The following PXDNL variants were observed in gnomAD, a reference collection of about 807,000 sequenced individuals.
PXDNL encodes probable oxidoreductase PXDNL.
PXDNL carries 145 observed loss-of-function variants against 150.8 expected under a neutral mutation model. The observed-to-expected ratio is 0.96, with a 90% CI of 0.84 to 1.10. The LOEUF (loss-of-function observed/expected upper bound fraction) is 1.10. Ranked by LOEUF, PXDNL falls within the 50% of genes least tolerant of loss-of-function variation. The pLI is 0.00. For missense variants in PXDNL, 2,087 were observed against 1,873.9 expected, an observed-to-expected ratio of 1.11 and a Z score of -2.10; for synonymous variants, 757 against 725.7, an observed-to-expected ratio of 1.04 and a Z score of -0.69.
At chr8:51,436,909 A>C (rs1809420401) in intron 12 of PXDNL, among the ~76,000 whole-genome samples, 1 of 152,208 alleles carries the variant, frequency 6.6e-6, no homozygotes, top group Admixed American at 6.5e-5. Flanking sequence ...GATAAATGAA[A>C]AAAAAGCTGG....
intron 6 of PXDNL, among the ~76,000 whole-genome samples, chr8:51,480,912 G>T (rs1279386104): frequency 2.6e-5 from 4 of 152,138 alleles, no homozygotes; most frequent in Admixed American, 2.0e-4. Flanking sequence ...AAATTACCCA[G>T]TCTCATGTAT....
At chr8:51,601,047 A>T (rs1813710671) in intron 2 of PXDNL, among the ~76,000 whole-genome samples, 3 of 147,168 alleles carry the variant, frequency 2.0e-5, no homozygotes, top group South Asian at 2.1e-4. Flanking sequence ...ATATCTTATA[A>T]ATATATTATA....
At chr8:51,534,408 C>T (rs1339642275) in intron 4 of PXDNL, among the ~76,000 whole-genome samples, 5 of 139,552 alleles carry the variant, frequency 3.6e-5, no homozygotes, top group East Asian at 2.3e-4. Context: ...TGAGGGGCGC[C>T]TCTGCCCGGC....
At chr8:51,321,740 G>A (rs1805320745) in intron 21 of PXDNL, among the ~76,000 whole-genome samples, 1 of 152,130 alleles carries the variant, frequency 6.6e-6, no homozygotes, top group African/African-American at 2.4e-5. Context: ...CTATGGAACT[G>A]TAAGTCAACT....
At chr8:51,693,831 A>T (rs1816054728) in intron 1 of PXDNL, among the ~76,000 whole-genome samples, 4 of 152,232 alleles carry the variant, frequency 2.6e-5, no homozygotes, top group Admixed American at 2.6e-4. Flanking sequence ...TCTTTGATTC[A>T]GGCTTTTAAT....
chr8:51,773,250 C>G (rs1483522103), intron 1 of PXDNL, among the ~76,000 whole-genome samples: 2 of 152,196 alleles, frequency 1.3e-5, no homozygotes, highest in East Asian at 1.9e-4. Flanking sequence ...TTCTTACCCT[C>G]CTGCCCACGC....
In PXDNL at chr8:51,331,860, A is replaced by G. The variant is rs185377673; in HGVS notation, c.4146+7764T>C. Among the ~76,000 whole-genome samples the G allele has an allele frequency of 3.1e-3, 472 of 152,166 alleles. 2 individuals carry two copies. Among genetic ancestry groups the G allele is most frequent in the Non-Finnish European group, 5.2e-3 (352 of 67,986 alleles). ...ACTGGCCCAAGGAGAGTCTAAGCTC[A>G]CACACGCCTAGCCCGGCCCCCAACT... On this transcript the variant is annotated intron_variant, in intron 21 of 22. Coordinates refer to ENST00000356297, the MANE Select transcript of PXDNL (RefSeq NM_144651.5).
At chr8:51,507,855 A>G (rs1811325909) in intron 4 of PXDNL, among the ~76,000 whole-genome samples, 1 of 152,172 alleles carries the variant, frequency 6.6e-6, no homozygotes, top group Non-Finnish European at 1.5e-5. Flanking sequence ...CCACAACATT[A>G]CTAAGCCCAA....
chr8:51,597,096 G>A (rs1031135087), intron 2 of PXDNL, among the ~76,000 whole-genome samples: 3 of 152,158 alleles, frequency 2.0e-5, no homozygotes, highest in East Asian at 1.9e-4. Flanking sequence ...GTGAAAGGTA[G>A]GGGTCAAGTT....
intron 2 of PXDNL, among the ~76,000 whole-genome samples, chr8:51,606,684 G>T (rs1270681557): frequency 2.0e-5 from 3 of 151,802 alleles, no homozygotes; most frequent in African/African-American, 7.3e-5. Flanking sequence ...AAACAACTGG[G>T]TAAAATTGAT....
Position 51,632,267 on chromosome 8 carries a change from A to G in PXDNL, c.236+22422T>C, listed in dbSNP as rs150254552. On this transcript the variant is annotated intron_variant, in intron 2 of 22. Transcript: ENST00000356297. ...TAAATAACAATATAGAGGACTTGAA[A>G]AGCACTGTAAATCAACTACATCTAA... is the stretch of plus-strand genomic sequence containing the variant. 1.4e-3 allele frequency among the ~76,000 whole-genome samples: 217 copies of G among 152,290 alleles called. 9 individuals are homozygous for G. In the East Asian group the frequency reaches 0.037, roughly 26 times the overall value.
intron 4 of PXDNL, among the ~76,000 whole-genome samples, chr8:51,549,117 A>G (rs962583045): frequency 2.0e-5 from 3 of 152,204 alleles, no homozygotes; most frequent in Non-Finnish European, 4.4e-5. Context: ...GATTAGCCCA[A>G]TAGAAAAATA....
intron 3 of PXDNL, among the ~76,000 whole-genome samples, chr8:51,565,597 G>A (rs1222190850): frequency 1.3e-5 from 2 of 151,794 alleles, no homozygotes; most frequent in Non-Finnish European, 2.9e-5. Context: ...TGAGAGTACT[G>A]TCAAATAACA....
chr8:51,332,088 C>T (rs749824455), intron 21 of PXDNL, among the ~76,000 whole-genome samples: 15 of 152,158 alleles, frequency 9.9e-5, no homozygotes, highest in Non-Finnish European at 2.2e-4. Flanking sequence ...CACCCTCTGC[C>T]ACCTCCACCA....
At chr8:51,556,790 A>G (rs1006211487) in intron 4 of PXDNL, 50 bp downstream of exon 4, 11 of 996,686 alleles carry the variant, frequency 1.1e-5, no homozygotes, top group Middle Eastern at 2.8e-4. Context: ...AAAGCTGTCT[A>G]TTTGAACTGT....
chr8:51,565,937 T>G (rs1812819783), intron 3 of PXDNL, among the ~76,000 whole-genome samples: 2 of 151,868 alleles, frequency 1.3e-5, no homozygotes, highest in African/African-American at 4.8e-5. Context: ...ATATTAGCCA[T>G]AGGGGTTTTT....
In PXDNL at chr8:51,522,509, A is replaced by C. The variant is rs1811682374; in HGVS notation, c.381-22739T>G. 4.6e-5 allele frequency among the ~76,000 whole-genome samples: 7 copies of C among 152,202 alleles called. No homozygotes were observed. The South Asian group carries it at 1.4e-3, about 31-fold the overall frequency. On this transcript the variant is annotated intron_variant, in intron 4 of 22. Coordinates refer to ENST00000356297, the MANE Select transcript of PXDNL (RefSeq NM_144651.5). ...ACCAGAGAAGTTCATTTTCCATTGA[A>C]AATATAATATGTCCATTTTCTTCTA...
intron 2 of PXDNL, among the ~76,000 whole-genome samples, chr8:51,606,887 C>G (rs1813846697): frequency 6.6e-6 from 1 of 152,166 alleles, no homozygotes; most frequent in Non-Finnish European, 1.5e-5. Flanking sequence ...AGGCACCCAC[C>G]TGTGGCTCAT....
intron 1 of PXDNL, among the ~76,000 whole-genome samples, chr8:51,687,480 T>C (rs959140480): frequency 5.9e-5 from 9 of 152,220 alleles, no homozygotes; most frequent in African/African-American, 2.2e-4. Flanking sequence ...CCACTTCCAA[T>C]TTGTAAAAAT....
Sources: allele counts gnomAD v4.1 joint callset (sites outside exome capture counted in the v4.1 genomes callset), GRCh38; gene constraint gnomAD v4.1.1; transcripts MANE v1.5; gene names NCBI Gene and HGNC (gene_info 2026-07-23, HGNC 2026-07-21).